CARD14: variants seen among roughly 807,000 people sequenced by gnomAD.
CARD14 encodes the protein caspase recruitment domain-containing protein 14.
A neutral mutation model predicts 111.5 loss-of-function variants in CARD14; 107 were observed. The observed-to-expected ratio is 0.96, with a 90% CI of 0.82 to 1.13. The LOEUF is 1.13. Ranked by LOEUF, CARD14 falls within the 50% of genes most tolerant of loss-of-function variation. CARD14 has a pLI of 0.00. For missense variants in CARD14, 1,322 were observed against 1,362.3 expected (o/e 0.97, Z 0.47); for synonymous variants, 617 against 579.6 (o/e 1.06, Z -0.93).
rs1200095652 is a variant in CARD14, at chr17:80,205,158, T to G, written c.2522T>G (p.Leu841Arg). 2 of 1,613,866 alleles carry G rather than the reference T, an allele frequency of 1.2e-6. No homozygotes were observed. Among genetic ancestry groups the G allele is most frequent in the Non-Finnish European group, 1.7e-6 (2 of 1,179,952 alleles). The part of the protein sequence containing the change: ...LLVPRAVGKI[L>R]SEKLCLLQGF... ...GTGCCCAGGGCGGTTGGGAAGATCC[T>G]GAGCGAGAAACTGTGCCTCCTCCAA... Residue 841 changes from leucine to arginine, a missense_variant, in exon 21 of 24, where the codon CTG becomes CGG. Leu to Arg is a moderately radical substitution (Grantham distance 102, BLOSUM62 -2). Transcript: ENST00000648509.
Position 80,188,645 on chromosome 17 carries a change from A to C in CARD14, c.843+101A>C. 1.7e-6 allele frequency: 2 copies of C among 1,211,448 alleles called. No homozygotes were observed. The highest frequency in any genetic ancestry group is 1.1e-6 in the Non-Finnish European group (1 of 937,148). The allele number at this position is 1,211,448 out of a possible 1,614,324, so 75.0% of individuals were successfully genotyped here. Reference sequence around the variant, plus strand: ...AGGTGGTTTAGTTAAGGTGAGGCTAAGAACAAGAGATGAAATTTAGTGACT... The same window carrying C: ...AGGTGGTTTAGTTAAGGTGAGGCTACGAACAAGAGATGAAATTTAGTGACT... On this transcript the variant is annotated intron_variant, in intron 8 of 23. Coordinates refer to ENST00000648509, the MANE Select transcript of CARD14 (RefSeq NM_001366385.1). The surrounding 1 kb of genome is among the most constrained non-coding windows in gnomAD (Gnocchi z 4.5).
intron 14 of CARD14, chr17:80,196,302 C>G (rs1598669092): frequency 6.6e-6 from 1 of 152,364 alleles, no homozygotes; most frequent in Admixed American, 6.5e-5. Flanking sequence ...GCCCCTGTGC[C>G]TTCTGTGGGT....
rs779208769 is a variant in CARD14, at chr17:80,191,361, C to T, written c.1128C>T (p.Ser376=). 1 of 1,613,896 alleles carries T rather than the reference C, an allele frequency of 6.2e-7. No homozygotes were observed. The highest frequency in any genetic ancestry group is 8.5e-7 in the Non-Finnish European group (1 of 1,179,970). ...GGGACAGTGCTCAGAGGGAGATTTC[C>T]CAGAGCCTGGTGGAGAAGGACTCCC... ...SARDSAQREI[S]QSLVEKDSLR... is the part of the protein sequence containing the mutation. Residue 376 remains serine (S), a synonymous_variant, in exon 11 of 24, where the codon TCC becomes TCT. Transcript: ENST00000648509.
At chr17:80,207,195 G>A in intron 23 of CARD14, 110 bp downstream of exon 23, 1 of 689,314 alleles carries the variant, frequency 1.5e-6, no homozygotes, top group East Asian at 2.9e-5. Context: ...GGAAGCTGAG[G>A]CGCTGACAGG....
In CARD14 at chr17:80,202,296, T is replaced by C; in HGVS notation, c.2095T>C (p.Cys699Arg). The C allele has an allele frequency of 6.2e-7, 1 of 1,613,766 alleles. No individual in the cohort carries two copies. The highest frequency in any genetic ancestry group is 1.3e-5 in the African/African-American group (1 of 75,018). ...GRAKGELQVH[C>R]NEVLHVTDTM... ...GGCCAAAGGGGAGCTGCAGGTGCAT[T>C]GCAACGAGGTCCTGCACGTCACCGA... The change falls in exon 18 of 24, where the codon TGC (cysteine) becomes CGC (arginine). Residue 699 changes from cysteine (C) to arginine (R), a missense_variant. Coordinates refer to ENST00000648509, the MANE Select transcript of CARD14 (RefSeq NM_001366385.1).
At position 80,205,273 on chromosome 17, in the gene CARD14, TCCTTCCTCC is replaced by T. The variant is rs1320261227; in HGVS notation, c.2569+79_2569+87del. The T allele has an allele frequency of 6.3e-6, 7 of 1,105,046 alleles. No individual in the cohort carries two copies. The East Asian group carries it at 1.6e-4, about 25-fold the overall frequency. The allele number at this position is 1,105,046 out of a possible 1,614,324, so 68.5% of individuals were successfully genotyped here. ...CTCCCTCCCTCCTCCCCTTCCTCCC[TCCTTCCTCC>T]CCTTCCTCCCTCCTCCTTCCCTCCC... On this transcript the variant is annotated intron_variant, in intron 21 of 23. Coordinates refer to ENST00000648509, the MANE Select transcript of CARD14 (RefSeq NM_001366385.1).
intron 2 of CARD14, among the ~76,000 whole-genome samples, chr17:80,174,492 C>T (rs927998719): frequency 6.6e-6 from 1 of 152,158 alleles, no homozygotes; most frequent in African/African-American, 2.4e-5. Context: ...GGATTACAGG[C>T]GTGAGCCACG....
chr17:80,197,559 G>GAA (rs1284813890), intron 14 of CARD14: 2 of 153,538 alleles, frequency 1.3e-5, no homozygotes, highest in East Asian at 3.8e-4. Flanking sequence ...AAGAAAGAAA[G>GAA]AAAGAAAGAC....
At chr17:80,204,139 G>A (rs143158026) in intron 19 of CARD14, 88 bp from the exon 20 acceptor site, 433 of 1,288,126 alleles carry the variant, frequency 3.4e-4, no homozygotes, top group Non-Finnish European at 4.2e-4. Flanking sequence ...CTCCCAGGTC[G>A]CCCTAGTGCC....
At chr17:80,190,940 C>T in intron 10 of CARD14, 41 bp downstream of exon 10, 1 of 1,602,446 alleles carries the variant, frequency 6.2e-7, no homozygotes, top group Non-Finnish European at 8.5e-7. Flanking sequence ...CCCATGCTTG[C>T]TTCCCCAGGT....
In CARD14 at chr17:80,207,062, C is replaced by A. The variant is rs140536892; in HGVS notation, c.2784C>A (p.Asn928Lys). Residue 928 changes from asparagine (N) to lysine (K), a missense_variant, in exon 23 of 24, where the codon AAC becomes AAA. Physicochemically the swap from Asn to Lys is moderately conservative, Grantham distance 94. Coordinates refer to ENST00000648509, the MANE Select transcript of CARD14 (RefSeq NM_001366385.1). ...CCATCGTCATCCACGTCTCTGTCAA[C>A]GAGAAGATGGCAAAGAAGCTCAAGT... ...IFPIVIHVSV[N>K]EKMAKKLKKG... 6.2e-7 allele frequency: 1 copy of A among 1,613,720 alleles called. No homozygotes were observed. Among genetic ancestry groups the A allele is most frequent in the African/African-American group, 1.3e-5 (1 of 74,922 alleles).
chr17:80,197,085 TAGTC>T (rs1178992305), intron 14 of CARD14: 3 of 152,344 alleles, frequency 2.0e-5, no homozygotes, highest in African/African-American at 7.2e-5. Flanking sequence ...TAGTCCCAGT[TAGTC>T]AGGAGGCTGA....
chr17:80,182,824 C>T lies in CARD14; in HGVS notation c.349+34C>T. On this transcript the variant is annotated intron_variant, in intron 6 of 23. Coordinates refer to ENST00000648509, the MANE Select transcript of CARD14 (RefSeq NM_001366385.1). This position sits in a 1 kb window ranked among gnomAD's most constrained non-coding sequence, Gnocchi z 4.7. ...TCCGACTTTGACGGTTTGGCAGGCA[C>T]TTCTAGGAACCTCAGGCTCCTGGTA... 1.9e-6 allele frequency: 3 copies of T among 1,612,056 alleles called. No individual in the cohort carries two copies. Among genetic ancestry groups the T allele is most frequent in the Non-Finnish European group, 2.5e-6 (3 of 1,178,480 alleles).
rs757622443 is a variant in CARD14 at position 80,202,320 on chromosome 17, G to T, written c.2119G>T (p.Asp707Tyr). ...TTGCAACGAGGTCCTGCACGTCACC[G>T]ACACCATGTTCCAGGGCTGCGGCTG... ...VHCNEVLHVT[D>Y]TMFQGCGCWH... The change falls in exon 18 of 24, where the codon GAC becomes TAC. Residue 707 changes from aspartate to tyrosine, a missense_variant. By Grantham distance (160) the Asp-to-Tyr change is radical. Transcript: ENST00000648509. The T allele has an allele frequency of 1.2e-6, 2 of 1,613,520 alleles. No individual in the cohort carries two copies. The highest frequency in any genetic ancestry group is 2.7e-5 in the African/African-American group (2 of 74,922).
chr17:80,170,201 T>G, intron 1 of CARD14, 145 bp downstream of exon 1: 1 of 151,548 alleles, frequency 6.6e-6, no homozygotes, highest in Non-Finnish European at 1.5e-5. Flanking sequence ...TCATCAGGAG[T>G]GGAGGAGCTG....
chr17:80,204,391 G>A (rs2041162957), intron 20 of CARD14, 50 bp downstream of exon 20: 1 of 1,485,692 alleles, frequency 6.7e-7, no homozygotes, highest in Non-Finnish European at 9.1e-7. Context: ...AGTGGGTGAG[G>A]GGCTTTGGGA....
rs1488585079 is a variant in CARD14 at position 80,198,238 on chromosome 17, T to C, written c.1658+76T>C. 1.0e-5 allele frequency: 16 copies of C among 1,579,376 alleles called. No homozygotes were observed. The highest frequency in any genetic ancestry group is 1.7e-5 in the Admixed American group (1 of 59,828). ...GGAGTGGCAGAGCAGAGGGTGAGTG[T>C]CCTATTACCAATGGGAGGCAACAGC... On this transcript the variant is annotated intron_variant, in intron 15 of 23. Coordinates refer to ENST00000648509, the MANE Select transcript of CARD14 (RefSeq NM_001366385.1). This position sits in a 1 kb window ranked among gnomAD's most constrained non-coding sequence, Gnocchi z 7.5.
In CARD14 at chr17:80,209,143, G is replaced by T. The variant is rs551514470; in HGVS notation, c.*798G>T. 1 of 217,272 alleles carries T rather than the reference G, an allele frequency of 4.6e-6. No homozygotes were observed. Among genetic ancestry groups the T allele is most frequent in the Non-Finnish European group, 7.8e-6 (1 of 128,294 alleles). The allele number at this position is 217,272 out of a possible 1,614,324, so 13.5% of individuals were successfully genotyped here. A position where few individuals can be genotyped will look rare whatever the true frequency, so the allele number is the denominator to read the frequency against. On this transcript the variant is annotated 3_prime_UTR_variant, in exon 24 of 24. Transcript: ENST00000648509. The stretch of plus-strand genomic sequence containing the variant: ...CATCTTTACTCCACCTTCAGGGCTC[G>T]GGGAGGACCCAGGTCCGCCAGCACC...
At chr17:80,183,410 C>T (rs796828799) in intron 6 of CARD14, among the ~76,000 whole-genome samples, 10 of 152,308 alleles carry the variant, frequency 6.6e-5, no homozygotes, top group South Asian at 2.1e-4. Context: ...AGTTCTAGTA[C>T]GCGGATTCGT....
Sources: allele counts gnomAD v4.1 joint callset (sites outside exome capture counted in the v4.1 genomes callset), GRCh38; gene constraint gnomAD v4.1.1; non-coding constraint Gnocchi (gnomAD v3.1); transcripts MANE v1.5; gene names NCBI Gene and HGNC (gene_info 2026-07-23, HGNC 2026-07-21).